The following CSMD1 variants were observed in gnomAD, a reference collection of about 807,000 sequenced individuals.
CSMD1 encodes the protein CUB and Sushi multiple domains 1, also known as CUB and sushi domain-containing protein 1.
In CSMD1, 213 loss-of-function variants were observed where a neutral mutation model predicts 417.5. That is an observed-to-expected ratio of 0.51 (90% confidence interval 0.46 to 0.57). The LOEUF (loss-of-function observed/expected upper bound fraction) is 0.57. CSMD1 is among the 20% of genes least tolerant of loss of function. CSMD1 has a pLI of 0.00. For synonymous variants in CSMD1, 2,862 were observed against 1,736.8 expected (o/e 1.65, Z -16.11); for missense variants, 6,923 against 4,529.7 (o/e 1.53, Z -15.17).
At chr8:4,628,988 C>T (rs527368385) in intron 2 of CSMD1, among the ~76,000 whole-genome samples, 7 of 152,046 alleles carry the variant, frequency 4.6e-5, no homozygotes, top group South Asian at 2.1e-4. Flanking sequence ...TTCTCAGATC[C>T]GCAAATAAAA....
chr8:4,132,346 T>C (rs1803161558), intron 3 of CSMD1, among the ~76,000 whole-genome samples: 2 of 152,192 alleles, frequency 1.3e-5, no homozygotes, highest in Admixed American at 6.5e-5. Context: ...AATGTCCTTT[T>C]CTGTATTTCT....
chr8:3,982,296 G>T (rs1444302038), intron 5 of CSMD1, among the ~76,000 whole-genome samples: 1 of 151,672 alleles, frequency 6.6e-6, no homozygotes, highest in Non-Finnish European at 1.5e-5. Flanking sequence ...CCTGAGTTGT[G>T]TGATACAGCA....
chr8:4,252,201 A>G (rs1480753761), intron 3 of CSMD1, among the ~76,000 whole-genome samples: 1 of 152,132 alleles, frequency 6.6e-6, no homozygotes, highest in Non-Finnish European at 1.5e-5. Context: ...AAAAGCTTAA[A>G]ACAAGACAAA....
At chr8:3,754,666 G>T (rs1797555965) in intron 5 of CSMD1, among the ~76,000 whole-genome samples, 2 of 152,172 alleles carry the variant, frequency 1.3e-5, no homozygotes, top group Non-Finnish European at 2.9e-5. Context: ...TGTTGGCCAG[G>T]CTGGTCTCGA....
intron 3 of CSMD1, among the ~76,000 whole-genome samples, chr8:4,336,214 G>C (rs899247593): frequency 1.3e-5 from 2 of 152,178 alleles, no homozygotes; most frequent in African/African-American, 4.8e-5. Context: ...CAGGTAGTAT[G>C]AATGCACCTG....
At chr8:4,965,213 A>G (rs1809780886) in intron 1 of CSMD1, among the ~76,000 whole-genome samples, 1 of 152,222 alleles carries the variant, frequency 6.6e-6, no homozygotes, top group Non-Finnish European at 1.5e-5. Context: ...CCTCTGATAT[A>G]AGGATTTTAA....
At chr8:4,165,477 C>G (rs1797403949) in intron 3 of CSMD1, among the ~76,000 whole-genome samples, 1 of 152,196 alleles carries the variant, frequency 6.6e-6, no homozygotes, top group African/African-American at 2.4e-5. Context: ...AGTCATTGCT[C>G]ACTGTAGCCT....
chr8:4,649,270 G>A (rs1359055259), intron 1 of CSMD1, among the ~76,000 whole-genome samples: 4 of 152,302 alleles, frequency 2.6e-5, no homozygotes, highest in South Asian at 4.2e-4. Flanking sequence ...CAAGGGAGCT[G>A]GAGTGACTAT....
At chr8:4,791,906 G>A (rs1866279) in intron 1 of CSMD1, among the ~76,000 whole-genome samples, 3,594 of 151,880 alleles carry the variant, frequency 0.024, 85 homozygotes, top group African/African-American at 0.062. Context: ...CATCTTATTC[G>A]AAAAGGTAGA....
At chr8:3,451,357 T>G (rs1215970869) in intron 12 of CSMD1, among the ~76,000 whole-genome samples, 2 of 152,210 alleles carry the variant, frequency 1.3e-5, no homozygotes, top group Non-Finnish European at 2.9e-5. Flanking sequence ...TTGTTGCCAT[T>G]GCTTTTGGTG....
At chr8:3,366,076 CTG>C (rs1809548499) in intron 20 of CSMD1, among the ~76,000 whole-genome samples, 1 of 152,196 alleles carries the variant, frequency 6.6e-6, no homozygotes, top group Non-Finnish European at 1.5e-5. Flanking sequence ...TTACATGTGA[CTG>C]TGGTACCCAG....
chr8:3,574,776 G>C lies in CSMD1; in HGVS notation c.1344+169C>G, dbSNP rs76009298. ...ATACTCACTTTGCATCTGAATCTCA[G>C]ACTGCTCTGCAATGAATGTGGCATC... On this transcript the variant is annotated intron_variant, in intron 10 of 69. Transcript: ENST00000635120. Among the ~76,000 whole-genome samples the C allele has an allele frequency of 9.2e-3, 1,405 of 152,332 alleles. 12 individuals are homozygous for C. Among genetic ancestry groups the C allele is most frequent in the Admixed American group, 0.014 (217 of 15,310 alleles).
At chr8:4,883,300 A>C (rs1803532243) in intron 1 of CSMD1, among the ~76,000 whole-genome samples, 1 of 152,128 alleles carries the variant, frequency 6.6e-6, no homozygotes, top group Non-Finnish European at 1.5e-5. Context: ...TTACAGATAA[A>C]TGTATATAAT....
chr8:4,017,341 T>C (rs1200157665), intron 4 of CSMD1, among the ~76,000 whole-genome samples: 1 of 152,198 alleles, frequency 6.6e-6, no homozygotes. Context: ...GTTTCGCTCT[T>C]GTTGCCCAGG....
chr8:3,664,498 G>C lies in CSMD1; in HGVS notation c.1009+43916C>G, dbSNP rs374583563. On this transcript the variant is annotated intron_variant, in intron 7 of 69. Transcript: ENST00000635120. The stretch of plus-strand genomic sequence containing the variant: ...TCAATGTTAATCATGCATAGAATAT[G>C]TAAAATATCCTCCAGGATTGTATGC... 1.2e-3 allele frequency among the ~76,000 whole-genome samples: 179 copies of C among 152,350 alleles called. 5 individuals carry two copies. In the South Asian group the frequency reaches 0.036, roughly 31 times the overall value.
chr8:4,015,354 A>G (rs1386583363), intron 4 of CSMD1, among the ~76,000 whole-genome samples: 2 of 152,180 alleles, frequency 1.3e-5, no homozygotes, highest in Non-Finnish European at 1.5e-5. Flanking sequence ...TGTCGTTCCT[A>G]GTTTTCCTGC....
chr8:4,198,483 C>T (rs1375438870), intron 3 of CSMD1, among the ~76,000 whole-genome samples: 1 of 151,956 alleles, frequency 6.6e-6, no homozygotes, highest in Admixed American at 6.6e-5. Context: ...AAAGAAATCA[C>T]TAGAGGATGA....
chr8:3,708,149 TAA>T (rs1801284798), intron 7 of CSMD1, among the ~76,000 whole-genome samples: 1 of 152,008 alleles, frequency 6.6e-6, no homozygotes, highest in Non-Finnish European at 1.5e-5. Context: ...CACATATACT[TAA>T]GAGAGACATC....
rs187047156 is a variant in CSMD1, at chr8:4,729,395, A to G, written c.86-91837T>C. ...AGAGAGAATTGGAAGAAATGAAAAA[A>G]GGGGAAAAATAAAGTATCCACAACT... On this transcript the variant is annotated intron_variant, in intron 1 of 69. Transcript: ENST00000635120. Among the ~76,000 whole-genome samples the G allele has an allele frequency of 7.6e-3, 1,150 of 152,310 alleles. 11 individuals are homozygous for G. The highest frequency in any genetic ancestry group is 0.027 in the African/African-American group (1,105 of 41,574).
Sources: allele counts gnomAD v4.1 joint callset (sites outside exome capture counted in the v4.1 genomes callset), GRCh38; gene constraint gnomAD v4.1.1; transcripts MANE v1.5; gene names NCBI Gene and HGNC (gene_info 2026-07-23, HGNC 2026-07-21).